LANCL1: variants seen among roughly 807,000 people sequenced by gnomAD.
LANCL1 encodes the protein glutathione S-transferase LANCL1.
A neutral mutation model predicts 50.6 loss-of-function variants in LANCL1; 50 were observed. The ratio of observed to expected loss-of-function variants is 0.99; its 90% CI spans 0.79 to 1.25. LANCL1 has a LOEUF of 1.25. LANCL1 is among the 50% of genes most tolerant of loss of function. LANCL1 has a pLI of 0.00. For missense variants in LANCL1, 532 were observed against 480.7 expected (o/e 1.11, Z -1.00); for synonymous variants, 188 against 178.6 (o/e 1.05, Z -0.42).
intron 3 of LANCL1, 137 bp from the exon 4 acceptor site, chr2:210,455,451 T>A: frequency 1.4e-6 from 1 of 708,094 alleles, no homozygotes; most frequent in Non-Finnish European, 2.3e-6. Context: ...TGGGTGACTT[T>A]AATTCTAGGC....
chr2:210,446,388 G>A (rs112985332), intron 4 of LANCL1, among the ~76,000 whole-genome samples: 3 of 152,096 alleles, frequency 2.0e-5, no homozygotes, highest in Admixed American at 2.0e-4. Flanking sequence ...ATAAATCCAC[G>A]AAGATGGGAG....
intron 3 of LANCL1, chr2:210,468,682 CA>C (rs767075462): frequency 1.3e-5 from 2 of 152,216 alleles, no homozygotes; most frequent in Non-Finnish European, 2.9e-5. Context: ...TTCCCTCCAG[CA>C]GCCTGAAAAG....
intron 8 of LANCL1, among the ~76,000 whole-genome samples, chr2:210,435,816 C>T (rs1313512639): frequency 6.6e-6 from 1 of 151,078 alleles, no homozygotes. Flanking sequence ...ATTTGTTATC[C>T]AAGACCTATG....
At position 210,453,418 on chromosome 2, in the gene LANCL1, G is replaced by A. The variant is rs566536090; in HGVS notation, c.407+1689C>T. ...CCCTAGAGTTGGCGTGTTGTCCCCA[G>A]GTATACAAGCTACAGAAGAAGCTAA... is the stretch of plus-strand genomic sequence containing the variant. On this transcript the variant is annotated intron_variant, in intron 4 of 9. Coordinates refer to ENST00000450366, the MANE Select transcript of LANCL1 (RefSeq NM_006055.3). 2.0e-5 allele frequency among the ~76,000 whole-genome samples: 3 copies of A among 152,236 alleles called. No homozygotes were observed. In the South Asian group the frequency reaches 6.2e-4, roughly 32 times the overall value.
intron 2 of LANCL1, among the ~76,000 whole-genome samples, chr2:210,473,230 T>C (rs1694271489): frequency 6.6e-6 from 1 of 151,924 alleles, no homozygotes; most frequent in African/African-American, 2.4e-5. Flanking sequence ...ACAAAATTAG[T>C]CGGGCATGGT....
At position 210,462,093 on chromosome 2, in the gene LANCL1, C is replaced by T. The variant is rs1343595445; in HGVS notation, c.200-6779G>A. ...CAGTCTACCTGGATCAAAACCCAGA[C>T]CAGCTCCATGGCAGGTAGCATTACG... On this transcript the variant is annotated intron_variant, in intron 3 of 9. Transcript: ENST00000450366. Among the ~76,000 whole-genome samples, 4 of 152,188 alleles carry T rather than the reference C, an allele frequency of 2.6e-5. No individual in the cohort carries two copies. In the East Asian group the frequency reaches 7.7e-4, roughly 29 times the overall value.
intron 3 of LANCL1, among the ~76,000 whole-genome samples, chr2:210,462,845 T>G (rs1466778230): frequency 2.0e-5 from 3 of 152,256 alleles, no homozygotes; most frequent in African/African-American, 7.2e-5. Flanking sequence ...TATCAGGGCT[T>G]ACTCTGACTC....
intron 4 of LANCL1, among the ~76,000 whole-genome samples, chr2:210,449,611 C>T (rs1186483457): frequency 6.6e-6 from 1 of 152,214 alleles, no homozygotes; most frequent in Non-Finnish European, 1.5e-5. Context: ...ACCCCTTCAT[C>T]TCAGCCCAAG....
Position 210,440,563 on chromosome 2 carries a change from G to A in LANCL1, c.690+35C>T, listed in dbSNP as rs762272654. On this transcript the variant is annotated intron_variant, in intron 6 of 9. Transcript: ENST00000450366. ...CCCATGATAGTACATGGGTCAGGAAGGACATTTTAAAATTTCACCATAATC... is the reference window on the plus strand; with the variant it reads ...CCCATGATAGTACATGGGTCAGGAAAGACATTTTAAAATTTCACCATAATC... 2.6e-5 allele frequency: 42 copies of A among 1,589,404 alleles called. 1 individual carries two copies. The South Asian group carries it at 4.7e-4, about 18-fold the overall frequency.
At chr2:210,443,524 C>G (rs1014432353) in intron 4 of LANCL1, among the ~76,000 whole-genome samples, 2 of 152,146 alleles carry the variant, frequency 1.3e-5, no homozygotes, top group Non-Finnish European at 2.9e-5. Context: ...GACACTAAAT[C>G]TTTGTTCTTA....
At chr2:210,469,564 T>C (rs917406434) in intron 3 of LANCL1, among the ~76,000 whole-genome samples, 4 of 152,164 alleles carry the variant, frequency 2.6e-5, no homozygotes, top group Non-Finnish European at 4.4e-5. Flanking sequence ...CTAAACTGCT[T>C]AGTATGCCAA....
At chr2:210,475,146 G>A (rs1228285203) in intron 2 of LANCL1, among the ~76,000 whole-genome samples, 1 of 152,066 alleles carries the variant, frequency 6.6e-6, no homozygotes, top group Non-Finnish European at 1.5e-5. Flanking sequence ...AATCTATAAT[G>A]TGACAAGTGT....
intron 3 of LANCL1, chr2:210,471,736 T>G: frequency 1.4e-6 from 1 of 735,632 alleles, no homozygotes; most frequent in Non-Finnish European, 2.5e-6. Context: ...CAGGCATGAA[T>G]TACATGAATA....
intron 2 of LANCL1, among the ~76,000 whole-genome samples, chr2:210,475,025 G>A (rs1017797835): frequency 3.9e-5 from 6 of 152,152 alleles, no homozygotes; most frequent in African/African-American, 1.4e-4. Flanking sequence ...CTTAATACTA[G>A]TCTTAAAATA....
intron 4 of LANCL1, among the ~76,000 whole-genome samples, chr2:210,449,917 C>T (rs1211193295): frequency 6.6e-6 from 1 of 152,106 alleles, no homozygotes; most frequent in African/African-American, 2.4e-5. Context: ...ACCACACTGC[C>T]CAAAGTAATT....
At chr2:210,442,443 A>G (rs1445430209) in intron 4 of LANCL1, 1 of 152,244 alleles carries the variant, frequency 6.6e-6, no homozygotes, top group Admixed American at 6.5e-5. Flanking sequence ...ATTCTTTGTA[A>G]TACTTGCATA....
chr2:210,450,879 G>A (rs1171865862), intron 4 of LANCL1, among the ~76,000 whole-genome samples: 3 of 152,208 alleles, frequency 2.0e-5, no homozygotes, highest in African/African-American at 7.2e-5. Context: ...TACACTGTTG[G>A]TGGGAGTGTA....
chr2:210,468,404 T>A (rs944904943), intron 3 of LANCL1: 1 of 151,952 alleles, frequency 6.6e-6, no homozygotes, highest in Non-Finnish European at 1.5e-5. Context: ...GTGCAAAACA[T>A]AGAAGTCAAG....
chr2:210,461,511 A>G (rs1263328069), intron 3 of LANCL1, among the ~76,000 whole-genome samples: 5 of 152,212 alleles, frequency 3.3e-5, no homozygotes, highest in Non-Finnish European at 7.3e-5. Context: ...CTGCAGCTCA[A>G]AGGCTATACA....
Sources: allele counts gnomAD v4.1 joint callset (sites outside exome capture counted in the v4.1 genomes callset), GRCh38; gene constraint gnomAD v4.1.1; transcripts MANE v1.5; gene names NCBI Gene and HGNC (gene_info 2026-07-23, HGNC 2026-07-21).